The following ERGIC1 variants were observed in gnomAD, a reference collection of about 807,000 sequenced individuals.
The protein encoded by ERGIC1 is endoplasmic reticulum-Golgi intermediate compartment protein 1.
In ERGIC1, 19 loss-of-function variants were observed where a neutral mutation model predicts 38.3. That is an observed-to-expected ratio of 0.50 (90% CI 0.35 to 0.73). The LOEUF (loss-of-function observed/expected upper bound fraction) is 0.73, where lower values mean the gene tolerates loss of function less well. Among genes scored for constraint, ERGIC1 ranks in the 30% least tolerant of loss-of-function variants. The probability of loss-of-function intolerance (pLI) is 0.01; values close to 1 mark genes in which losing one functional copy is unlikely to be tolerated. For missense variants in ERGIC1, 294 were observed against 389.2 expected, an observed-to-expected ratio of 0.76 and a Z score of 2.06; for synonymous variants, 124 against 157.6, an observed-to-expected ratio of 0.79 and a Z score of 1.60.
At chr5:172,920,546 T>G (rs1763485400) in intron 5 of ERGIC1, 3 of 681,588 alleles carry the variant, frequency 4.4e-6, no homozygotes, top group Admixed American at 4.2e-5. Flanking sequence ...GACACTGACG[T>G]AGGTTCCTAA....
In ERGIC1 at chr5:172,865,051, C is replaced by CTTT. The variant is rs55657045; in HGVS notation, c.21-23627_21-23625dup. Among the ~76,000 whole-genome samples, 147 of 93,838 alleles carry CTTT rather than the reference C, an allele frequency of 1.6e-3. 2 individuals carry two copies. The highest frequency in any genetic ancestry group is 3.4e-3 in the East Asian group (11 of 3,272). 61.6% of individuals were successfully genotyped at this position (93,838 alleles called of 152,430 possible). ...TATCAAATTGCTATAGAAAGAAATT[C>CTTT]TTTTTTTTTTTTTTTTTTTTTTTGA... is the stretch of plus-strand genomic sequence containing the variant. On this transcript the variant is annotated intron_variant, in intron 1 of 9. Transcript: ENST00000393784.
chr5:172,877,160 A>G (rs1288545762), intron 1 of ERGIC1, among the ~76,000 whole-genome samples: 1 of 152,068 alleles, frequency 6.6e-6, no homozygotes, highest in Non-Finnish European at 1.5e-5. Flanking sequence ...GTATTTCCAT[A>G]TGAATCTTAG....
At chr5:172,930,385 C>T (rs1466906261) in intron 7 of ERGIC1, among the ~76,000 whole-genome samples, 2 of 149,418 alleles carry the variant, frequency 1.3e-5, no homozygotes, top group African/African-American at 2.5e-5. Flanking sequence ...GAGTCTCGCT[C>T]TGTTGCCCAG....
At chr5:172,849,943 T>A (rs1286031197) in intron 1 of ERGIC1, among the ~76,000 whole-genome samples, 2 of 152,210 alleles carry the variant, frequency 1.3e-5, no homozygotes, top group Admixed American at 1.3e-4. Context: ...AAATATCATC[T>A]TCTTCTGTTC....
chr5:172,894,704 G>A (rs902665392), intron 2 of ERGIC1, among the ~76,000 whole-genome samples: 3 of 152,174 alleles, frequency 2.0e-5, no homozygotes, highest in Non-Finnish European at 2.9e-5. Context: ...CCATGGGCCA[G>A]CCTCCTTGTC....
intron 9 of ERGIC1, chr5:172,935,976 G>A (rs1763880195): frequency 6.6e-6 from 1 of 152,290 alleles, no homozygotes; most frequent in Admixed American, 6.5e-5. Flanking sequence ...GTTAGCTGAG[G>A]TGGAAGAGAC....
At position 172,911,032 on chromosome 5, in the gene ERGIC1, T is replaced by C. The variant is rs375890480; in HGVS notation, c.250+1271T>C. 4.8e-4 allele frequency among the ~76,000 whole-genome samples: 73 copies of C among 152,170 alleles called. 1 individual carries two copies. The East Asian group carries it at 9.7e-3, about 20-fold the overall frequency. ...CATGGTCCCTAGACTTGTCAGCGAG[T>C]GGACTGGGCGCCCTCTCCTGGACTG... On this transcript the variant is annotated intron_variant, in intron 4 of 9. Coordinates refer to ENST00000393784, the MANE Select transcript of ERGIC1 (RefSeq NM_001031711.3).
intron 5 of ERGIC1, among the ~76,000 whole-genome samples, chr5:172,918,592 G>A (rs1763432902): frequency 6.6e-6 from 1 of 152,238 alleles, no homozygotes; most frequent in Non-Finnish European, 1.5e-5. Flanking sequence ...GCGCTACCAG[G>A]CTCAGGAAGG....
chr5:172,947,201 GA>G (rs1427554798), intron 9 of ERGIC1, among the ~76,000 whole-genome samples: 4 of 135,284 alleles, frequency 3.0e-5, no homozygotes, highest in African/African-American at 1.1e-4. Flanking sequence ...AAAAAAAAAA[GA>G]AAGACATGAT....
intron 1 of ERGIC1, among the ~76,000 whole-genome samples, chr5:172,844,393 C>A (rs1369896824): frequency 6.6e-6 from 1 of 152,174 alleles, no homozygotes; most frequent in African/African-American, 2.4e-5. Flanking sequence ...TGATAAATTG[C>A]GTGAAAATGG....
chr5:172,835,103 C>T (rs993006937), intron 1 of ERGIC1, among the ~76,000 whole-genome samples: 3 of 152,200 alleles, frequency 2.0e-5, no homozygotes, highest in Non-Finnish European at 4.4e-5. Context: ...TTTGTGGGGT[C>T]CAGCTGCCTC....
At chr5:172,892,075 T>TGTTTTGTTTTTTTTTTG (rs1561720702) in intron 2 of ERGIC1, among the ~76,000 whole-genome samples, 24 of 149,534 alleles carry the variant, frequency 1.6e-4, no homozygotes, top group African/African-American at 5.9e-4. Context: ...TTTTTTTTTT[T>TGTTTTGTTTTTTTTTTG]TTTTTTTTTT....
chr5:172,899,114 A>T (rs1287824494), intron 3 of ERGIC1, among the ~76,000 whole-genome samples: 1 of 152,124 alleles, frequency 6.6e-6, no homozygotes, highest in Non-Finnish European at 1.5e-5. Context: ...GGCACCAGGC[A>T]GGTGGCTTTA....
intron 1 of ERGIC1, among the ~76,000 whole-genome samples, chr5:172,865,303 G>A (rs6890783): frequency 0.013 from 2,003 of 152,218 alleles, 17 homozygotes; most frequent in Non-Finnish European, 0.021. Context: ...TGATCCACCC[G>A]CCTTGGCCTC....
At chr5:172,929,302 A>T (rs971889964) in intron 7 of ERGIC1, among the ~76,000 whole-genome samples, 1 of 152,104 alleles carries the variant, frequency 6.6e-6, no homozygotes, top group Admixed American at 6.6e-5. Context: ...TGAAGTTGGG[A>T]AATGGGTACG....
chr5:172,875,196 TTAAA>T (rs1762114322), intron 1 of ERGIC1, among the ~76,000 whole-genome samples: 1 of 152,216 alleles, frequency 6.6e-6, no homozygotes, highest in African/African-American at 2.4e-5. Context: ...TAGAAGAGGT[TTAAA>T]TAAGAGTTTT....
intron 8 of ERGIC1, chr5:172,934,146 G>A (rs1581584805): frequency 6.6e-6 from 1 of 152,314 alleles, no homozygotes; most frequent in East Asian, 1.9e-4. Flanking sequence ...TGCCCTGGGA[G>A]CAGGCAGCAG....
chr5:172,836,466 G>A (rs767927623), intron 1 of ERGIC1, among the ~76,000 whole-genome samples: 8 of 152,150 alleles, frequency 5.3e-5, no homozygotes, highest in Admixed American at 3.3e-4. Context: ...GGCTCACTGC[G>A]GAATGGTGAG....
chr5:172,904,004 CAT>C (rs1226128347), intron 3 of ERGIC1, among the ~76,000 whole-genome samples: 2 of 150,412 alleles, frequency 1.3e-5, no homozygotes, highest in South Asian at 2.1e-4. Context: ...CTCACACTAA[CAT>C]ACACACACTC....
Sources: allele counts gnomAD v4.1 joint callset (sites outside exome capture counted in the v4.1 genomes callset), GRCh38; gene constraint gnomAD v4.1.1; transcripts MANE v1.5; gene names NCBI Gene and HGNC (gene_info 2026-07-23, HGNC 2026-07-21).